Variants in ATP10A observed in about 807,000 individuals in gnomAD.
ATP10A encodes phospholipid-transporting ATPase VA.
Under a neutral mutation model 147.8 loss-of-function variants are expected in ATP10A, and 111 were observed. The ratio of observed to expected loss-of-function variants is 0.75; its 90% confidence interval spans 0.64 to 0.88. The LOEUF is 0.88. Ranked by LOEUF, ATP10A falls within the 40% of genes least tolerant of loss-of-function variation. The probability of loss-of-function intolerance (pLI) is 0.00; values close to 1 mark genes in which losing one functional copy is unlikely to be tolerated. For synonymous variants in ATP10A, 875 were observed against 841.6 expected (o/e 1.04, Z -0.69); for missense variants, 1,927 against 1,959.0 (o/e 0.98, Z 0.31).
intron 2 of ATP10A, among the ~76,000 whole-genome samples, chr15:25,766,843 A>T (rs567570567): frequency 6.8e-6 from 1 of 146,498 alleles, no homozygotes; most frequent in South Asian, 2.2e-4. Context: ...GTCCCAAAAA[A>T]CTCCCGAAAA....
chr15:25,777,600 C>T (rs937230816), intron 2 of ATP10A, among the ~76,000 whole-genome samples: 4 of 151,780 alleles, frequency 2.6e-5, no homozygotes, highest in Non-Finnish European at 5.9e-5. Context: ...ATCAGCTATT[C>T]CCATATATAT....
upstream of ATP10A, chr15:25,863,660 C>T (rs1893880319): frequency 6.6e-6 from 1 of 152,288 alleles, no homozygotes; most frequent in Non-Finnish European, 1.5e-5. Flanking sequence ...GAAACGACCT[C>T]GGGAGACCCC....
intron 1 of ATP10A, among the ~76,000 whole-genome samples, chr15:25,857,510 T>C (rs923662826): frequency 5.9e-5 from 9 of 152,198 alleles, no homozygotes; most frequent in African/African-American, 2.2e-4. Context: ...AGAAGAGTCA[T>C]GCTTTTCTAA....
intron 2 of ATP10A, among the ~76,000 whole-genome samples, chr15:25,741,124 GC>G (rs1403792633): frequency 1.3e-5 from 2 of 152,226 alleles, no homozygotes; most frequent in African/African-American, 4.8e-5. Context: ...CAAACCCCGT[GC>G]TTCCTGGGTG....
chr15:25,718,145 C>T (rs371968885), intron 8 of ATP10A, 37 bp downstream of exon 8: 4 of 1,590,014 alleles, frequency 2.5e-6, no homozygotes, highest in East Asian at 2.3e-5. Flanking sequence ...GGGGAAGAGA[C>T]GTGGCAGCAC....
At chr15:25,828,361 G>A (rs28459388) in intron 1 of ATP10A, among the ~76,000 whole-genome samples, 12,543 of 152,252 alleles carry the variant, frequency 0.082, 1,104 homozygotes, top group African/African-American at 0.22. Context: ...TTAAGTGCAC[G>A]TGGCGTGTCC....
At chr15:25,712,245 AC>A (rs972565816) in intron 10 of ATP10A, among the ~76,000 whole-genome samples, 13 of 152,096 alleles carry the variant, frequency 8.5e-5, no homozygotes, top group African/African-American at 2.9e-4. Context: ...TATTAGTGAG[AC>A]TTAGTGACAG....
rs1186749199 is a variant in ATP10A, at chr15:25,680,313, G to A, written c.3679-5C>T. 6.2e-7 allele frequency: 1 copy of A among 1,612,742 alleles called. No individual in the cohort carries two copies. ...CGTTATCCAGTTGAGCCAGGTCTGA[G>A]GGGGAATGAGAAAGAAAGGGCTTTT... On this transcript the variant is annotated splice_polypyrimidine_tract_variant and splice_region_variant and intron_variant, in intron 19 of 20. Transcript: ENST00000555815.
At chr15:25,828,442 T>C (rs1477364540) in intron 1 of ATP10A, among the ~76,000 whole-genome samples, 1 of 152,162 alleles carries the variant, frequency 6.6e-6, no homozygotes, top group Non-Finnish European at 1.5e-5. Flanking sequence ...CCATACTAAG[T>C]AGGCTCTTGG....
chr15:25,729,078 T>C (rs1216837068), intron 3 of ATP10A, among the ~76,000 whole-genome samples: 1 of 152,220 alleles, frequency 6.6e-6, no homozygotes, highest in Non-Finnish European at 1.5e-5. Flanking sequence ...TCAGCTCCGT[T>C]GTCATGGGCT....
At chr15:25,758,820 C>CCACCTGCTCCACCCTAACTCATTCCTAT (rs1888585394) in intron 2 of ATP10A, among the ~76,000 whole-genome samples, 1 of 97,168 alleles carries the variant, frequency 1.0e-5, no homozygotes, top group African/African-American at 5.1e-5. Flanking sequence ...CTCATTCCGA[C>CCACCTGCTCCACCCTAACTCATTCCTAT]CACCTGCTCC....
intron 15 of ATP10A, among the ~76,000 whole-genome samples, chr15:25,688,620 G>C (rs1406289435): frequency 6.6e-6 from 1 of 152,190 alleles, no homozygotes; most frequent in Non-Finnish European, 1.5e-5. Context: ...GGAAAAGCTA[G>C]ATTTCTGCTT....
chr15:25,705,270 C>T (rs1900907748), intron 12 of ATP10A, among the ~76,000 whole-genome samples: 1 of 150,534 alleles, frequency 6.6e-6, no homozygotes, highest in Admixed American at 6.6e-5. Context: ...CTGTCTCTAC[C>T]AAAAAAAAGT....
chr15:25,700,302 C>T lies in ATP10A; in HGVS notation c.2760+1614G>A, dbSNP rs561556819. 1.2e-4 allele frequency among the ~76,000 whole-genome samples: 19 copies of T among 152,306 alleles called. No individual in the cohort carries two copies. The South Asian group carries it at 3.9e-3, about 32-fold the overall frequency. ...TGAAAAGCAGGCTGGTGTCTGGCAG[C>T]TTCTTATAAACTTAGACACATTCAC... On this transcript the variant is annotated intron_variant, in intron 13 of 20. Coordinates refer to ENST00000555815, the MANE Select transcript of ATP10A (RefSeq NM_024490.4).
chr15:25,771,506 T>C (rs59239372), intron 2 of ATP10A, among the ~76,000 whole-genome samples: 6,481 of 152,242 alleles, frequency 0.043, 390 homozygotes, highest in African/African-American at 0.11. Context: ...ACTAGAGGCT[T>C]ATCTTCCCAG....
chr15:25,743,467 C>A (rs1188371539), intron 2 of ATP10A, among the ~76,000 whole-genome samples: 6 of 152,206 alleles, frequency 3.9e-5, no homozygotes, highest in African/African-American at 9.7e-5. Flanking sequence ...GAAGAATAAG[C>A]AAGCCAAGAA....
downstream of ATP10A, among the ~76,000 whole-genome samples, chr15:25,675,972 G>A (rs906586494): frequency 6.6e-6 from 1 of 152,038 alleles, no homozygotes; most frequent in Non-Finnish European, 1.5e-5. Context: ...GGAGGGGAAA[G>A]GGGAGGGAGA....
chr15:25,727,055 CA>C (rs33946132), intron 4 of ATP10A, 104 bp downstream of exon 4: 2,580 of 715,904 alleles, frequency 3.6e-3, no homozygotes, highest in Admixed American at 0.016. Flanking sequence ...AGACTCGTCT[CA>C]AAAAAAAAAA....
At chr15:25,748,978 G>T (rs925045495) in intron 2 of ATP10A, among the ~76,000 whole-genome samples, 2 of 146,654 alleles carry the variant, frequency 1.4e-5, no homozygotes, top group African/African-American at 2.5e-5. Context: ...TGGGAGAATT[G>T]CTTGAAACTG....
Sources: gnomAD v4.1 joint callset for allele counts (sites outside exome capture counted in the v4.1 genomes callset) on GRCh38, gnomAD v4.1.1 for gene constraint, MANE v1.5 for transcripts, NCBI Gene and HGNC (gene_info 2026-07-23, HGNC 2026-07-21) for gene names.